The following CDH12 variants were observed in gnomAD, a reference collection of about 807,000 sequenced individuals.
CDH12 encodes the protein cadherin 12, also known as cadherin-12.
Under a neutral mutation model 74.1 loss-of-function variants are expected in CDH12, and 41 were observed. The ratio of observed to expected loss-of-function variants is 0.55; its 90% CI spans 0.43 to 0.72. CDH12 has a LOEUF of 0.72. Ranked by LOEUF, CDH12 falls within the 30% of genes least tolerant of loss-of-function variation. CDH12 has a pLI of 0.00. For missense variants in CDH12, 945 were observed against 977.2 expected, an observed-to-expected ratio of 0.97 and a Z score of 0.44; for synonymous variants, 399 against 355.0, an observed-to-expected ratio of 1.12 and a Z score of -1.39.
chr5:22,221,490 A>C (rs1014950066), intron 3 of CDH12, among the ~76,000 whole-genome samples: 6 of 151,956 alleles, frequency 3.9e-5, no homozygotes, highest in Non-Finnish European at 8.8e-5. Flanking sequence ...TATCTTTATC[A>C]CATGGTGTTT....
chr5:22,035,711 CAT>C (rs1266983000), intron 5 of CDH12, among the ~76,000 whole-genome samples: 24 of 109,878 alleles, frequency 2.2e-4, no homozygotes, highest in African/African-American at 8.5e-4. Context: ...ACACTTCACA[CAT>C]ACACACACAC....
chr5:22,063,815 T>A (rs1366455451), intron 5 of CDH12, among the ~76,000 whole-genome samples: 1 of 152,090 alleles, frequency 6.6e-6, no homozygotes, highest in African/African-American at 2.4e-5. Flanking sequence ...GACATACTTC[T>A]TCCAAGCAAG....
intron 1 of CDH12, among the ~76,000 whole-genome samples, chr5:22,653,786 G>A (rs756991997): frequency 1.7e-4 from 26 of 152,188 alleles, no homozygotes; most frequent in African/African-American, 1.2e-4. Flanking sequence ...TGGTCCACAC[G>A]TAGCTATGTG....
chr5:21,814,841 G>T (rs1275599063), intron 9 of CDH12, among the ~76,000 whole-genome samples: 2 of 151,018 alleles, frequency 1.3e-5, no homozygotes, highest in Admixed American at 1.3e-4. Context: ...CCATTTAAAT[G>T]TGATTTCTTT....
At position 22,542,119 on chromosome 5, in the gene CDH12, T is replaced by A. The variant is rs1448281166; in HGVS notation, c.-522-36755A>T. On this transcript the variant is annotated intron_variant, in intron 1 of 14. Transcript: ENST00000382254. ...AAAGATGGTATTTTCCTGGTCATTG[T>A]TTATAATATTTAATCAATGTTGACA... Among the ~76,000 whole-genome samples, 3 of 152,208 alleles carry A rather than the reference T, an allele frequency of 2.0e-5. 1 individual carries two copies. The highest frequency in any genetic ancestry group is 4.1e-4 in the South Asian group (2 of 4,836).
chr5:22,777,208 T>C (rs929291091), intron 1 of CDH12, among the ~76,000 whole-genome samples: 15 of 152,170 alleles, frequency 9.9e-5, no homozygotes, highest in Admixed American at 1.3e-4. Context: ...CAAAGAATGA[T>C]TCCCTTCTAC....
intron 3 of CDH12, among the ~76,000 whole-genome samples, chr5:22,378,201 G>C (rs1561357955): frequency 6.6e-6 from 1 of 152,110 alleles, no homozygotes; most frequent in African/African-American, 2.4e-5. Flanking sequence ...TGCTATTCCA[G>C]AAGTTACTGA....
At chr5:21,880,581 T>C (rs1752228057) in intron 6 of CDH12, among the ~76,000 whole-genome samples, 5 of 46,830 alleles carry the variant, frequency 1.1e-4, no homozygotes, top group Non-Finnish European at 1.7e-4. Context: ...CTTTCCTTCC[T>C]TCCTTCCTTC....
In CDH12 at chr5:22,131,536, T is replaced by G. The variant is rs957845038; in HGVS notation, c.-186-52674A>C. 2.0e-5 allele frequency among the ~76,000 whole-genome samples: 3 copies of G among 152,126 alleles called. 1 individual carries two copies. Among genetic ancestry groups the G allele is most frequent in the African/African-American group, 7.2e-5 (3 of 41,454 alleles). ...GGAATGGCAAAATTTATTTCCTGAG[T>G]GATTAAATGGCTCCACTCCTACTAT... is the stretch of plus-strand genomic sequence containing the variant. On this transcript the variant is annotated intron_variant, in intron 4 of 14. Coordinates refer to ENST00000382254, the MANE Select transcript of CDH12 (RefSeq NM_004061.5).
intron 2 of CDH12, among the ~76,000 whole-genome samples, chr5:22,492,927 A>G (rs1181333565): frequency 1.3e-5 from 2 of 152,144 alleles, no homozygotes; most frequent in Admixed American, 1.3e-4. Flanking sequence ...ACTCCTCATC[A>G]TAGCCAAAAA....
At chr5:22,706,750 T>C (rs978084321) in intron 1 of CDH12, among the ~76,000 whole-genome samples, 1 of 152,168 alleles carries the variant, frequency 6.6e-6, no homozygotes, top group African/African-American at 2.4e-5. Flanking sequence ...ATTTCCATAT[T>C]TGAATTACTG....
chr5:22,200,919 T>C (rs1000343832), intron 4 of CDH12, among the ~76,000 whole-genome samples: 9 of 152,214 alleles, frequency 5.9e-5, no homozygotes, highest in Admixed American at 5.9e-4. Context: ...TGTAATGAGT[T>C]CTGTGATTGG....
chr5:21,765,935 G>C (rs1351592299), intron 11 of CDH12, among the ~76,000 whole-genome samples: 1 of 151,994 alleles, frequency 6.6e-6, no homozygotes, highest in Admixed American at 6.6e-5. Context: ...GAACTGTTTT[G>C]CTGAAAAGAC....
intron 4 of CDH12, among the ~76,000 whole-genome samples, chr5:22,175,678 T>A (rs1001309395): frequency 6.6e-6 from 1 of 152,086 alleles, no homozygotes; most frequent in African/African-American, 2.4e-5. Context: ...GTATAGGTGG[T>A]ATCTATGTAG....
intron 6 of CDH12, among the ~76,000 whole-genome samples, chr5:21,891,601 A>ACACACACACT (rs762795304): frequency 1.3e-5 from 2 of 150,226 alleles, no homozygotes; most frequent in South Asian, 2.1e-4. Flanking sequence ...ACACACACAC[A>ACACACACACT]CTCTTTCTGG....
chr5:22,201,110 C>T (rs920424821), intron 4 of CDH12, among the ~76,000 whole-genome samples: 4 of 152,080 alleles, frequency 2.6e-5, no homozygotes, highest in Non-Finnish European at 5.9e-5. Context: ...GACATAGGAA[C>T]CAAATGATAG....
Position 22,242,893 on chromosome 5 carries a change from C to T in CDH12, c.-332-30250G>A, listed in dbSNP as rs528289489. On this transcript the variant is annotated intron_variant, in intron 3 of 14. Coordinates refer to ENST00000382254, the MANE Select transcript of CDH12 (RefSeq NM_004061.5). Reference sequence around the variant, plus strand: ...TTGATAAAGTCAACTTCTTTTCTCTCCAGTTTTGTTTCGTGTTGTAGATGC... The same window carrying T: ...TTGATAAAGTCAACTTCTTTTCTCTTCAGTTTTGTTTCGTGTTGTAGATGC... Among the ~76,000 whole-genome samples, 9 of 152,224 alleles carry T rather than the reference C, an allele frequency of 5.9e-5. No individual in the cohort carries two copies. The South Asian group carries it at 1.7e-3, about 28-fold the overall frequency.
chr5:21,782,583 G>C (rs1420468359), intron 11 of CDH12, among the ~76,000 whole-genome samples: 3 of 152,174 alleles, frequency 2.0e-5, no homozygotes, highest in Non-Finnish European at 4.4e-5. Context: ...AAATGGAAGA[G>C]ATTCAGTTGA....
chr5:21,827,220 A>G (rs1748726523), intron 8 of CDH12, among the ~76,000 whole-genome samples: 4 of 152,152 alleles, frequency 2.6e-5, no homozygotes, highest in Admixed American at 2.6e-4. Flanking sequence ...CCAAATAGAT[A>G]CAATATTTGG....
Sources: gnomAD v4.1 joint callset for allele counts (sites outside exome capture counted in the v4.1 genomes callset) on GRCh38, gnomAD v4.1.1 for gene constraint, MANE v1.5 for transcripts, NCBI Gene and HGNC (gene_info 2026-07-23, HGNC 2026-07-21) for gene names.